LSM4: variants seen among roughly 807,000 people sequenced by gnomAD.
The protein encoded by LSM4 is LSM4 homolog, U6 small nuclear RNA and mRNA degradation associated.
LSM4 carries 15 observed loss-of-function variants against 22.3 expected under a neutral mutation model. That is an observed-to-expected ratio of 0.67 (90% CI 0.45 to 1.03). LSM4 has a LOEUF of 1.03. Among genes scored for constraint, LSM4 ranks in the 50% least tolerant of loss-of-function variants. The pLI, the probability that LSM4 is intolerant of heterozygous loss-of-function variation, is 0.00. For synonymous variants in LSM4, 90 were observed against 79.8 expected (o/e 1.13, Z -0.68); for missense variants, 127 against 198.0 (o/e 0.64, Z 2.15).
intron 2 of LSM4, among the ~76,000 whole-genome samples, chr19:18,314,157 G>A (rs768115061): frequency 2.0e-5 from 3 of 152,136 alleles, no homozygotes; most frequent in South Asian, 4.1e-4. Flanking sequence ...AAATGTGTGC[G>A]TGAATGTTCA....
chr19:18,316,157 G>T, intron 1 of LSM4, 92 bp from the exon 2 acceptor site: 1 of 1,217,136 alleles, frequency 8.2e-7, no homozygotes, highest in Non-Finnish European at 1.2e-6. Context: ...TAGATGGTGC[G>T]GTGCGGTTGA....
rs148380214 is a variant in LSM4, at chr19:18,309,691, G to A, written c.315C>T (p.Gly105=). The change falls in exon 4 of 5, where the codon GGC becomes GGT. Residue 105 remains glycine (G), a synonymous_variant. Transcript: ENST00000593829. ...QQKQQKGRGM[G]GAGRGVFGGR... Reference sequence around the variant, plus strand: ...GGGGAGACCCACCTCGGCCAGCGCCGCCCATGCCGCGGCCTTTCTGCTGCT... The same window carrying A: ...GGGGAGACCCACCTCGGCCAGCGCCACCCATGCCGCGGCCTTTCTGCTGCT... The A allele has an allele frequency of 4.4e-4, 702 of 1,605,870 alleles. 4 individuals carry two copies. In the African/African-American group the frequency reaches 8.4e-3, roughly 19 times the overall value.
At chr19:18,319,830 A>G (rs1970405221) in intron 1 of LSM4, among the ~76,000 whole-genome samples, 1 of 152,166 alleles carries the variant, frequency 6.6e-6, no homozygotes, top group Non-Finnish European at 1.5e-5. Context: ...GGATGCAGCC[A>G]GTCTTTAATT....
rs765934857 is a variant in LSM4 at position 18,309,742 on chromosome 19, G to A, written c.264C>T (p.Arg88=). 13 of 1,613,138 alleles carry A rather than the reference G, an allele frequency of 8.1e-6. No homozygotes were observed. The highest frequency in any genetic ancestry group is 2.7e-5 in the African/African-American group (2 of 74,902). Reference sequence around the variant, plus strand: ...TCTGCTGCTGCAGGCCTCCGCGGCCGCGGCCCTTGGCCACCACCTCCTCCT... The same window carrying A: ...TCTGCTGCTGCAGGCCTCCGCGGCCACGGCCCTTGGCCACCACCTCCTCCT... ...MVKEEVVAKG[R]GRGGLQQQKQ... The change falls in exon 4 of 5, where the codon CGC becomes CGT. Residue 88 remains arginine, a synonymous_variant. Transcript: ENST00000593829.
At chr19:18,322,526 AG>A (rs1309707627) in intron 1 of LSM4, among the ~76,000 whole-genome samples, 1 of 152,168 alleles carries the variant, frequency 6.6e-6, no homozygotes, top group Non-Finnish European at 1.5e-5. Flanking sequence ...CCTGCTTTTC[AG>A]CCAGAAACCA....
In LSM4 at chr19:18,314,396, G is replaced by A. The variant is rs532086285; in HGVS notation, c.45+1628C>T. Among the ~76,000 whole-genome samples, 57 of 151,940 alleles carry A rather than the reference G, an allele frequency of 3.8e-4. No individual in the cohort carries two copies. The South Asian group carries it at 8.8e-3, about 23-fold the overall frequency. Reference sequence around the variant, plus strand: ...AAAAAAATTAGCCAGGCGTGGTGGCGTGTACCTGTAGTCCCAGCTCCTCAG... The same window carrying A: ...AAAAAAATTAGCCAGGCGTGGTGGCATGTACCTGTAGTCCCAGCTCCTCAG... On this transcript the variant is annotated intron_variant, in intron 2 of 4. Coordinates refer to ENST00000593829, the MANE Select transcript of LSM4 (RefSeq NM_012321.5).
At chr19:18,318,072 G>A (rs1970379048) in intron 1 of LSM4, among the ~76,000 whole-genome samples, 1 of 152,124 alleles carries the variant, frequency 6.6e-6, no homozygotes, top group Admixed American at 6.5e-5. Flanking sequence ...GTGCCTCATG[G>A]GACACAGGCT....
At chr19:18,320,799 AAAAT>A (rs1301104906) in intron 1 of LSM4, among the ~76,000 whole-genome samples, 11 of 152,222 alleles carry the variant, frequency 7.2e-5, no homozygotes, top group Admixed American at 6.5e-4. Flanking sequence ...CTGTCTCAAA[AAAAT>A]AAATAAAATG....
intron 1 of LSM4, among the ~76,000 whole-genome samples, chr19:18,316,423 C>T (rs1399626075): frequency 6.7e-6 from 1 of 148,594 alleles, no homozygotes; most frequent in Non-Finnish European, 1.5e-5. Context: ...CTCACTGCAA[C>T]CTCCACCTCC....
rs780227379 is a variant in LSM4 at position 18,309,865 on chromosome 19, C to T, written c.145-4G>A. 1.9e-5 allele frequency: 31 copies of T among 1,612,462 alleles called. No homozygotes were observed. Among genetic ancestry groups the T allele is most frequent in the Middle Eastern group, 1.6e-4 (1 of 6,068 alleles). ...TCCGCCAGAACTTGTCCCCGTCCTG[C>T]GGAGAAGGGGAGCAGGTTATTAACT... On this transcript the variant is annotated splice_polypyrimidine_tract_variant and splice_region_variant and intron_variant, in intron 3 of 4. Coordinates refer to ENST00000593829, the MANE Select transcript of LSM4 (RefSeq NM_012321.5).
intron 1 of LSM4, chr19:18,316,301 G>T: frequency 2.4e-6 from 1 of 418,816 alleles, no homozygotes; most frequent in South Asian, 3.4e-5. Context: ...CCCGTAGGTG[G>T]CCACCACCTG....
At chr19:18,312,393 G>T (rs1007786951) in intron 3 of LSM4, 1 of 531,676 alleles carries the variant, frequency 1.9e-6, no homozygotes, top group Non-Finnish European at 3.4e-6. Context: ...CACACAGCAG[G>T]AAAGTCTCCC....
intron 1 of LSM4, among the ~76,000 whole-genome samples, chr19:18,319,886 G>A (rs561757798): frequency 6.6e-6 from 1 of 152,354 alleles, no homozygotes; most frequent in African/African-American, 2.4e-5. Context: ...AACACTCAAA[G>A]TGGGTGTGGA....
chr19:18,308,948 G>A (rs1301091200), intron 4 of LSM4, among the ~76,000 whole-genome samples: 1 of 152,124 alleles, frequency 6.6e-6, no homozygotes, highest in African/African-American at 2.4e-5. Flanking sequence ...GGTAGGACCC[G>A]ACCCACTCTC....
At chr19:18,317,494 G>A (rs1002231927) in intron 1 of LSM4, among the ~76,000 whole-genome samples, 4 of 151,628 alleles carry the variant, frequency 2.6e-5, no homozygotes, top group African/African-American at 4.9e-5. Flanking sequence ...CACCATGCCC[G>A]GCTAATTTTT....
intron 2 of LSM4, among the ~76,000 whole-genome samples, chr19:18,315,497 C>T (rs946393825): frequency 1.3e-5 from 2 of 151,680 alleles, no homozygotes; most frequent in African/African-American, 4.8e-5. Flanking sequence ...GCTATATTGC[C>T]CAGGTTGGAT....
chr19:18,310,472 G>A (rs1156749981), intron 3 of LSM4, among the ~76,000 whole-genome samples: 1 of 152,190 alleles, frequency 6.6e-6, no homozygotes, highest in Non-Finnish European at 1.5e-5. Context: ...GGTGGCTCAA[G>A]GGCGGCTCCC....
chr19:18,318,855 C>T (rs1409259944), intron 1 of LSM4, among the ~76,000 whole-genome samples: 2 of 152,260 alleles, frequency 1.3e-5, no homozygotes, highest in African/African-American at 4.8e-5. Context: ...CTGGTCTCAG[C>T]GACCAATAGC....
intron 2 of LSM4, among the ~76,000 whole-genome samples, chr19:18,313,220 G>A (rs1348294489): frequency 6.6e-6 from 1 of 152,102 alleles, no homozygotes; most frequent in Non-Finnish European, 1.5e-5. Context: ...ACTCCAGCCT[G>A]AGCAACAGAG....
Sources: gnomAD v4.1 joint callset for allele counts (sites outside exome capture counted in the v4.1 genomes callset) on GRCh38, gnomAD v4.1.1 for gene constraint, MANE v1.5 for transcripts, NCBI Gene and HGNC (gene_info 2026-07-23, HGNC 2026-07-21) for gene names.